Variants in CEP350 observed in about 807,000 individuals in gnomAD.
The protein encoded by CEP350 is centrosome-associated protein 350.
A neutral mutation model predicts 331.8 loss-of-function variants in CEP350; 126 were observed. The ratio of observed to expected loss-of-function variants is 0.38; its 90% confidence interval spans 0.33 to 0.44. CEP350 has a LOEUF of 0.44. Among genes scored for constraint, CEP350 ranks in the 20% least tolerant of loss-of-function variants. The pLI is 1.00. For synonymous variants in CEP350, 1,200 were observed against 1,259.5 expected, an observed-to-expected ratio of 0.95 and a Z score of 1.00; for missense variants, 3,406 against 3,634.6, an observed-to-expected ratio of 0.94 and a Z score of 1.62.
rs549168686 is a variant in CEP350 at position 179,987,782 on chromosome 1, C to G, written c.120+496C>G. ...TCTCTACCAAAAAACAAAATTTAGCCAGGCCTGGTGGTGTGCACCTGTAGT... is the reference window on the plus strand; with the variant it reads ...TCTCTACCAAAAAACAAAATTTAGCGAGGCCTGGTGGTGTGCACCTGTAGT... On this transcript the variant is annotated intron_variant, in intron 3 of 37. Coordinates refer to ENST00000367607, the MANE Select transcript of CEP350 (RefSeq NM_014810.5). Among the ~76,000 whole-genome samples the G allele has an allele frequency of 1.1e-4, 16 of 151,442 alleles. No individual in the cohort carries two copies. The South Asian group carries it at 3.3e-3, about 32-fold the overall frequency.
At chr1:179,978,919 G>GT (rs1438780483) in intron 1 of CEP350, among the ~76,000 whole-genome samples, 2 of 152,024 alleles carry the variant, frequency 1.3e-5, no homozygotes, top group East Asian at 3.8e-4. Flanking sequence ...TCTAAAGTGA[G>GT]TCTCTTATAG....
chr1:180,086,013 A>C lies in CEP350; in HGVS notation c.6286-1565A>C, dbSNP rs1659838584. On this transcript the variant is annotated intron_variant, in intron 31 of 37. Transcript: ENST00000367607. ...TTTATCCAAGGATACAGAGCTCATAAATGGTGAAACTAGGATTTTAATCTA... is the reference window on the plus strand; with the variant it reads ...TTTATCCAAGGATACAGAGCTCATACATGGTGAAACTAGGATTTTAATCTA... 5 of 152,200 alleles carry C rather than the reference A, an allele frequency of 3.3e-5. No homozygotes were observed. The South Asian group carries it at 1.0e-3, about 32-fold the overall frequency. 9.4% of individuals were successfully genotyped at this position (152,200 alleles called of 1,614,324 possible). A position where few individuals can be genotyped will look rare whatever the true frequency, so the allele number is the denominator to read the frequency against.
At chr1:180,085,254 A>G (rs1659798732) in intron 31 of CEP350, among the ~76,000 whole-genome samples, 2 of 152,018 alleles carry the variant, frequency 1.3e-5, no homozygotes, top group South Asian at 4.1e-4. Context: ...ATTTTCCCCC[A>G]AGCCGTAGCA....
Position 180,020,678 on chromosome 1 carries a change from A to C in CEP350, c.2904A>C (p.Gln968His). ...GCTCTGATATGCAAGCCTGTTCTCA[A>C]GACAAAGCCAAAATATCTCTTGGTT... ...SSSSDMQACS[Q>H]DKAKISLGSS... Residue 968 changes from glutamine (Q) to histidine (H), a missense_variant, in exon 12 of 38, where the codon CAA becomes CAC. By Grantham distance (24) the Gln-to-His change is conservative. Coordinates refer to ENST00000367607, the MANE Select transcript of CEP350 (RefSeq NM_014810.5). 2 of 1,614,042 alleles carry C rather than the reference A, an allele frequency of 1.2e-6. No homozygotes were observed. Among genetic ancestry groups the C allele is most frequent in the Non-Finnish European group, 1.7e-6 (2 of 1,179,898 alleles).
chr1:180,087,003 A>G (rs1010712741), intron 31 of CEP350, among the ~76,000 whole-genome samples: 1 of 152,218 alleles, frequency 6.6e-6, no homozygotes, highest in African/African-American at 2.4e-5. Flanking sequence ...AAACTAAGGA[A>G]TGATATATTA....
At chr1:179,959,383 G>T (rs1412400504) in intron 1 of CEP350, among the ~76,000 whole-genome samples, 2 of 152,228 alleles carry the variant, frequency 1.3e-5, no homozygotes, top group South Asian at 4.1e-4. Flanking sequence ...GAACCAGGGA[G>T]GTGGAGGTTG....
At position 180,006,509 on chromosome 1, in the gene CEP350, C is replaced by T. The variant is rs768041513; in HGVS notation, c.1188C>T (p.Val396=). 2 of 1,552,984 alleles carry T rather than the reference C, an allele frequency of 1.3e-6. No individual in the cohort carries two copies. The highest frequency in any genetic ancestry group is 1.7e-6 in the Non-Finnish European group (2 of 1,147,688). The change falls in exon 8 of 38, where the codon GTC becomes GTT. Residue 396 remains valine, a synonymous_variant. Transcript: ENST00000367607. ...AAAAAAGTAAAGAGAAGAAAGTAGT[C>T]AAGCCAGTACGAAAAGTCCAAAAAG... ...PAEKSKEKKV[V]KPVRKVQKVA...
intron 27 of CEP350, among the ~76,000 whole-genome samples, chr1:180,068,697 T>G (rs557277420): frequency 1.3e-5 from 2 of 152,302 alleles, no homozygotes; most frequent in East Asian, 3.9e-4. Flanking sequence ...TAACAGTAGC[T>G]TCTTCTTCCA....
At chr1:180,063,607 T>C (rs1290081524) in intron 26 of CEP350, among the ~76,000 whole-genome samples, 4 of 151,382 alleles carry the variant, frequency 2.6e-5, no homozygotes, top group Non-Finnish European at 5.9e-5. Flanking sequence ...AGCTCAGGAG[T>C]TTGAGACCAG....
At chr1:180,073,618 C>T (rs1368795216) in intron 27 of CEP350, among the ~76,000 whole-genome samples, 1 of 152,142 alleles carries the variant, frequency 6.6e-6, no homozygotes, top group Non-Finnish European at 1.5e-5. Context: ...TATAAAAATA[C>T]ACTTTTAAAA....
intron 1 of CEP350, among the ~76,000 whole-genome samples, chr1:179,956,078 C>A (rs565161070): frequency 1.3e-5 from 2 of 152,288 alleles, no homozygotes; most frequent in African/African-American, 4.8e-5. Flanking sequence ...CTGAAAATTT[C>A]TTCGTTTAAT....
chr1:179,975,558 G>A lies in CEP350; in HGVS notation c.-13-10611G>A, dbSNP rs371525565. ...TTTTTTTTTTTACAAATAGCTTTAT[G>A]TATGAGGCATATTTTACATATAATA... is the stretch of plus-strand genomic sequence containing the variant. On this transcript the variant is annotated intron_variant, in intron 1 of 37. Coordinates refer to ENST00000367607, the MANE Select transcript of CEP350 (RefSeq NM_014810.5). Among the ~76,000 whole-genome samples the A allele has an allele frequency of 4.6e-5, 7 of 151,900 alleles. 1 individual carries two copies. The East Asian group carries it at 7.7e-4, about 17-fold the overall frequency.
chr1:180,064,633 A>G (rs1003055221), intron 26 of CEP350, among the ~76,000 whole-genome samples: 14 of 152,134 alleles, frequency 9.2e-5, no homozygotes, highest in Non-Finnish European at 1.8e-4. Flanking sequence ...TTTTGAAAAC[A>G]CTGTTTTGCA....
intron 30 of CEP350, 146 bp downstream of exon 30, chr1:180,080,807 A>G (rs1659519283): frequency 8.6e-6 from 5 of 579,958 alleles, no homozygotes; most frequent in East Asian, 7.8e-5. Context: ...GATTAATACC[A>G]TATTGAATAT....
chr1:180,090,754 G>T lies in CEP350; in HGVS notation c.6466G>T (p.Glu2156Ter). 1.3e-6 allele frequency: 2 copies of T among 1,552,956 alleles called. No individual in the cohort carries two copies. The highest frequency in any genetic ancestry group is 2.4e-5 in the East Asian group (1 of 41,574). The change falls in exon 33 of 38, where the codon GAA becomes TAA. Residue 2156 changes from glutamate (E) to a stop codon, truncating the protein, a stop_gained. Transcript: ENST00000367607. LOFTEE classifies it high-confidence loss of function. The part of the protein sequence containing the change: ...AKNWKSLTES[E>*]RSRGSLESIA... ...GAATTGGAAATCACTAACAGAGTCA[G>T]AACGTTCCAGAGGATCCCTGGAGTC...
intron 11 of CEP350, among the ~76,000 whole-genome samples, chr1:180,018,226 G>C (rs911292027): frequency 6.6e-6 from 1 of 152,034 alleles, no homozygotes; most frequent in Middle Eastern, 3.4e-3. Context: ...TGTTGCCCAG[G>C]CTGGTCTTGA....
rs1655240793 is a variant in CEP350, at chr1:180,020,345, G to C, written c.2571G>C (p.Trp857Cys). 1.2e-6 allele frequency: 2 copies of C among 1,613,830 alleles called. No homozygotes were observed. The highest frequency in any genetic ancestry group is 4.5e-5 in the East Asian group (2 of 44,892). ...CCAGCATTAACTATGGGTCAGCATGGAACACTGAGTATGATGTGCAGCAGG... is the reference window on the plus strand; with the variant it reads ...CCAGCATTAACTATGGGTCAGCATGCAACACTGAGTATGATGTGCAGCAGG... ...AGASINYGSA[W>C]NTEYDVQQAP... The change falls in exon 12 of 38, where the codon TGG (tryptophan) becomes TGC (cysteine). Residue 857 changes from tryptophan to cysteine, a missense_variant. By Grantham distance (215) the Trp-to-Cys change is radical (BLOSUM62 -2). Transcript: ENST00000367607.
At chr1:180,029,658 A>G (rs1655887302) in intron 14 of CEP350, among the ~76,000 whole-genome samples, 1 of 152,158 alleles carries the variant, frequency 6.6e-6, no homozygotes, top group Non-Finnish European at 1.5e-5. Flanking sequence ...CCACCATTCT[A>G]ACTTTCTGTC....
In CEP350 at chr1:180,013,828, A is replaced by G. The variant is rs746221429; in HGVS notation, c.1394-19A>G. On this transcript the variant is annotated intron_variant, in intron 9 of 37. Coordinates refer to ENST00000367607, the MANE Select transcript of CEP350 (RefSeq NM_014810.5). ...GAGTATAGAATTTCGGTATATCACT[A>G]ACAGTTCATACTTTGCAGGGGGTCA... 3 of 1,578,824 alleles carry G rather than the reference A, an allele frequency of 1.9e-6. No homozygotes were observed. The highest frequency in any genetic ancestry group is 1.7e-6 in the Non-Finnish European group (2 of 1,165,180).
Sources: allele counts gnomAD v4.1 joint callset (sites outside exome capture counted in the v4.1 genomes callset), GRCh38; gene constraint gnomAD v4.1.1; transcripts MANE v1.5; gene names NCBI Gene and HGNC (gene_info 2026-07-23, HGNC 2026-07-21).